The following PPP1R13B variants were observed in gnomAD, a reference collection of about 807,000 sequenced individuals.
PPP1R13B encodes the protein apoptosis-stimulating of p53 protein 1.
PPP1R13B carries 44 observed loss-of-function variants against 119.8 expected under a neutral mutation model. The observed-to-expected ratio is 0.37, with a 90% CI of 0.29 to 0.47. PPP1R13B has a LOEUF of 0.47. Among genes scored for constraint, PPP1R13B ranks in the 20% least tolerant of loss-of-function variants. The pLI, the probability that PPP1R13B is intolerant of heterozygous loss-of-function variation, is 0.99. For synonymous variants in PPP1R13B, 542 were observed against 561.5 expected, an observed-to-expected ratio of 0.97 and a Z score of 0.49; for missense variants, 1,227 against 1,413.5, an observed-to-expected ratio of 0.87 and a Z score of 2.12.
chr14:103,734,455 G>A lies in PPP1R13B; in HGVS notation c.*699C>T. 1 of 453,510 alleles carries A rather than the reference G, an allele frequency of 2.2e-6. No homozygotes were observed. 28.1% of individuals were successfully genotyped at this position (453,510 alleles called of 1,614,324 possible). ...CAGGCTGTGAGATCGGAGGAGAAGA[G>A]TATATGCTGAGGCTCTCCCAGTTGT... On this transcript the variant is annotated 3_prime_UTR_variant, in exon 17 of 17. Transcript: ENST00000202556.
chr14:103,736,068 C>G lies in PPP1R13B; in HGVS notation c.3166G>C (p.Glu1056Gln), dbSNP rs374935134. ...LTILRRKDESETEWWWARLGD... is the reference protein window; with the variant it reads ...LTILRRKDESQTEWWWARLGD... ...AGGCGAGCCCACCACCACTCAGTCTCGCTTTCGTCCTTGCGCCTCAGGATG... is the reference window on the plus strand; with the variant it reads ...AGGCGAGCCCACCACCACTCAGTCTGGCTTTCGTCCTTGCGCCTCAGGATG... The change falls in exon 16 of 17, where the codon GAG (glutamate) becomes CAG (glutamine). Residue 1056 changes from glutamate (E) to glutamine (Q), a missense_variant. Physicochemically the swap from Glu to Gln is conservative, Grantham distance 29 (BLOSUM62 2). Coordinates refer to ENST00000202556, the MANE Select transcript of PPP1R13B (RefSeq NM_015316.3). 1.2e-6 allele frequency: 2 copies of G among 1,614,120 alleles called. No homozygotes were observed. The highest frequency in any genetic ancestry group is 2.7e-5 in the African/African-American group (2 of 74,944).
At chr14:103,780,348 G>A (rs1407493758) in intron 3 of PPP1R13B, among the ~76,000 whole-genome samples, 2 of 151,308 alleles carry the variant, frequency 1.3e-5, no homozygotes, top group African/African-American at 2.4e-5. Flanking sequence ...TTAGCTGGGC[G>A]TGGTGGCACA....
chr14:103,770,269 TTTGA>T (rs2085035913), intron 4 of PPP1R13B, among the ~76,000 whole-genome samples: 1 of 152,076 alleles, frequency 6.6e-6, no homozygotes, highest in Non-Finnish European at 1.5e-5. Context: ...ATACCAGAAC[TTTGA>T]GAGACTGAGG....
At chr14:103,815,871 CAGG>C (rs2086267157) in intron 1 of PPP1R13B, among the ~76,000 whole-genome samples, 1 of 151,882 alleles carries the variant, frequency 6.6e-6, no homozygotes, top group Non-Finnish European at 1.5e-5. Flanking sequence ...ATCACAAGGT[CAGG>C]AGATCGAGAC....
rs1450090250 is a variant in PPP1R13B, at chr14:103,824,687, T to C, written c.9+22612A>G. ...TCCAGCATGGGCGACAGAGCGAGAC[T>C]CCGCCTCAAAAAAAAAAAAAAGGAG... is the stretch of plus-strand genomic sequence containing the variant. On this transcript the variant is annotated intron_variant, in intron 1 of 16. Transcript: ENST00000202556. 1.2e-4 allele frequency among the ~76,000 whole-genome samples: 18 copies of C among 146,714 alleles called. No individual in the cohort carries two copies. The Admixed American group carries it at 1.2e-3, about 10-fold the overall frequency.
intron 4 of PPP1R13B, among the ~76,000 whole-genome samples, chr14:103,775,755 G>A (rs2085173084): frequency 6.6e-6 from 1 of 152,158 alleles, no homozygotes; most frequent in African/African-American, 2.4e-5. Flanking sequence ...TGGTGTGTGT[G>A]CGTCTATTTC....
rs2151966566 is a variant in PPP1R13B at position 103,742,123 on chromosome 14, G to C, written c.1489C>G (p.Arg497Gly). ...GCGGGCAGCAGGGTGGGCCTCTGTC[G>C]ACTTGGCAGGCCTGCACTGGGCCTG... ...LPRPSAGLPS[R>G]QRPTLLPATG... The change falls in exon 11 of 17, where the codon CGA becomes GGA. Residue 497 changes from arginine to glycine, a missense_variant. Arg to Gly is a moderately radical substitution (Grantham distance 125, BLOSUM62 -2). Transcript: ENST00000202556. The surrounding 1 kb of genome is among the most constrained non-coding windows in gnomAD (Gnocchi z 4.9). The C allele has an allele frequency of 1.9e-6, 3 of 1,612,926 alleles. No homozygotes were observed. In the East Asian group the frequency reaches 6.7e-5, roughly 36 times the overall value.
intron 1 of PPP1R13B, among the ~76,000 whole-genome samples, chr14:103,831,844 G>A (rs1359836896): frequency 1.3e-5 from 2 of 151,986 alleles, no homozygotes; most frequent in South Asian, 2.1e-4. Context: ...GCTGAGGCAG[G>A]AGAATCACTT....
At chr14:103,810,369 C>T (rs1567141161) in intron 1 of PPP1R13B, among the ~76,000 whole-genome samples, 1 of 151,952 alleles carries the variant, frequency 6.6e-6, no homozygotes, top group African/African-American at 2.4e-5. Flanking sequence ...TTGCAGTGAG[C>T]CAAGTGACAG....
At chr14:103,793,348 G>A (rs1418461015) in intron 2 of PPP1R13B, among the ~76,000 whole-genome samples, 1 of 152,152 alleles carries the variant, frequency 6.6e-6, no homozygotes, top group Non-Finnish European at 1.5e-5. Flanking sequence ...AATCATGGAG[G>A]TGGTTTCTCA....
In PPP1R13B at chr14:103,734,560, G is replaced by C. The variant is rs1567075621; in HGVS notation, c.*594C>G. The C allele has an allele frequency of 2.2e-6, 1 of 456,510 alleles. No homozygotes were observed. Among genetic ancestry groups the C allele is most frequent in the Admixed American group, 2.3e-5 (1 of 42,576 alleles). The allele number at this position is 456,510 out of a possible 1,614,324, so 28.3% of individuals were successfully genotyped here. On this transcript the variant is annotated 3_prime_UTR_variant, in exon 17 of 17. Transcript: ENST00000202556. Reference sequence around the variant, plus strand: ...GGGCCTGCACAATCAGCCTTTAGGTGAACTGGAACAGGAAGCGGAACCCCC... The same window carrying C: ...GGGCCTGCACAATCAGCCTTTAGGTCAACTGGAACAGGAAGCGGAACCCCC...
At chr14:103,803,790 A>C (rs1032011646) in intron 1 of PPP1R13B, among the ~76,000 whole-genome samples, 2 of 152,180 alleles carry the variant, frequency 1.3e-5, no homozygotes, top group African/African-American at 4.8e-5. Flanking sequence ...GCCTTTCCTC[A>C]AACTGCTTCT....
chr14:103,819,799 T>G (rs1048364195), intron 1 of PPP1R13B, among the ~76,000 whole-genome samples: 3 of 152,092 alleles, frequency 2.0e-5, no homozygotes, highest in African/African-American at 7.2e-5. Flanking sequence ...CCAGAGTCCT[T>G]CCAATAAACC....
chr14:103,832,336 G>T (rs930482449), intron 1 of PPP1R13B, among the ~76,000 whole-genome samples: 25 of 152,120 alleles, frequency 1.6e-4, no homozygotes, highest in African/African-American at 4.8e-4. Flanking sequence ...TGTGCTTGAA[G>T]CTATACCTCT....
intron 1 of PPP1R13B, among the ~76,000 whole-genome samples, chr14:103,810,499 C>T (rs1171832569): frequency 1.3e-5 from 2 of 152,014 alleles, no homozygotes; most frequent in Admixed American, 6.6e-5. Flanking sequence ...TTTGGCTGGG[C>T]GTGGTGGCTC....
intron 1 of PPP1R13B, among the ~76,000 whole-genome samples, chr14:103,823,534 A>T (rs1409940040): frequency 6.6e-6 from 1 of 152,012 alleles, no homozygotes; most frequent in Non-Finnish European, 1.5e-5. Context: ...GCCAGCCAAA[A>T]CTCATGGGCT....
intron 1 of PPP1R13B, among the ~76,000 whole-genome samples, chr14:103,810,003 T>C (rs1465238301): frequency 6.6e-6 from 1 of 151,526 alleles, no homozygotes; most frequent in Non-Finnish European, 1.5e-5. Context: ...ATTTTTGTAT[T>C]TTTAGTAGAG....
At chr14:103,752,892 T>C in intron 7 of PPP1R13B, 108 bp downstream of exon 7, 1 of 1,208,838 alleles carries the variant, frequency 8.3e-7, no homozygotes, top group Non-Finnish European at 1.2e-6. Context: ...TATTATTAAA[T>C]TAGAATCTAC....
chr14:103,828,100 T>TTCC (rs767197575), intron 1 of PPP1R13B, among the ~76,000 whole-genome samples: 2 of 152,020 alleles, frequency 1.3e-5, no homozygotes, highest in Non-Finnish European at 2.9e-5. Context: ...GGTGCAGTGG[T>TTCC]TCATGCCTGT....
Sources: gnomAD v4.1 joint callset for allele counts (sites outside exome capture counted in the v4.1 genomes callset) on GRCh38, gnomAD v4.1.1 for gene constraint, Gnocchi (gnomAD v3.1) non-coding constraint, MANE v1.5 for transcripts, NCBI Gene and HGNC (gene_info 2026-07-23, HGNC 2026-07-21) for gene names.